HLA-DRB5: variants seen among roughly 807,000 people sequenced by gnomAD.
HLA-DRB5 encodes major histocompatibility complex, class II, DR beta 5.
In HLA-DRB5, 11 loss-of-function variants were observed where a neutral mutation model predicts 22.4. That is an observed-to-expected ratio of 0.49 (90% CI 0.31 to 0.81). The LOEUF is 0.81. Ranked by LOEUF, HLA-DRB5 falls within the 40% of genes least tolerant of loss-of-function variation. The pLI, the probability that HLA-DRB5 is intolerant of heterozygous loss-of-function variation, is 0.05. For missense variants in HLA-DRB5, 106 were observed against 274.4 expected (o/e 0.39, Z 4.34); for synonymous variants, 57 against 106.0 (o/e 0.54, Z 2.84).
chr6:32,520,674 A>G (rs116285597), intron 2 of HLA-DRB5, among the ~76,000 whole-genome samples: 5,423 of 47,078 alleles, frequency 0.12, 492 homozygotes, highest in East Asian at 0.14. Flanking sequence ...CTCAATAAAT[A>G]CATTTTTTTT....
At position 32,519,448 on chromosome 6, in the gene HLA-DRB5, T is replaced by G; in HGVS notation, c.574A>C (p.Thr192Pro). Reference protein sequence around the residue: ...WTFQTLVMLETVPRSGEVYTC... With the variant: ...WTFQTLVMLEPVPRSGEVYTC... ...TAAACCTCTCCACTTCGAGGAACTG[T>G]TTCCAGCATCACCAGGGTCTGGAAG... The change falls in exon 3 of 6, where the codon ACA becomes CCA. Residue 192 changes from threonine (T) to proline (P), a missense_variant. Physicochemically the swap from Thr to Pro is conservative, Grantham distance 38. Transcript: ENST00000374975. 1 of 1,339,518 alleles carries G rather than the reference T, an allele frequency of 7.5e-7. No individual in the cohort carries two copies. Among genetic ancestry groups the G allele is most frequent in the East Asian group, 2.5e-5 (1 of 39,678 alleles). The allele number at this position is 1,339,518 out of a possible 1,614,324, so 83.0% of individuals were successfully genotyped here. A position where few individuals can be genotyped will look rare whatever the true frequency, so the allele number is the denominator to read the frequency against.
intron 1 of HLA-DRB5, among the ~76,000 whole-genome samples, chr6:32,526,888 C>T (rs73407285): frequency 0.18 from 7,164 of 39,196 alleles, 939 homozygotes; most frequent in Admixed American, 0.22. Flanking sequence ...TCATCTCAAA[C>T]TTAAACAAAA....
At chr6:32,519,056 G>C (rs1163931337) in intron 3 of HLA-DRB5, among the ~76,000 whole-genome samples, 1 of 131,386 alleles carries the variant, frequency 7.6e-6, no homozygotes, top group Non-Finnish European at 1.7e-5. Context: ...CAGATCAACA[G>C]CACCAGAAAC....
chr6:32,524,160 TC>T (rs202237210), intron 1 of HLA-DRB5, among the ~76,000 whole-genome samples: 7 of 22,708 alleles, frequency 3.1e-4, no homozygotes, highest in East Asian at 1.1e-3. Flanking sequence ...TTGAAAAATA[TC>T]TGTGAATATC....
At chr6:32,527,541 T>G (rs112215558) in intron 1 of HLA-DRB5, among the ~76,000 whole-genome samples, 1 of 26,054 alleles carries the variant, frequency 3.8e-5, no homozygotes, top group Admixed American at 5.5e-4. Context: ...GAATATAAAT[T>G]GACTTTCCTT....
At chr6:32,530,089 C>CT in intron 1 of HLA-DRB5, 36 bp downstream of exon 1, 1 of 1,321,982 alleles carries the variant, frequency 7.6e-7, no homozygotes, top group African/African-American at 1.6e-5. Context: ...ATTTTCCCCA[C>CT]CCCATAGTAG....
chr6:32,526,396 CTTT>C lies in HLA-DRB5; in HGVS notation c.100+3726_100+3728del, dbSNP rs796766832. 9.7e-3 allele frequency among the ~76,000 whole-genome samples: 275 copies of C among 28,302 alleles called. 133 individuals carry two copies. Among genetic ancestry groups the C allele is most frequent in the Admixed American group, 0.014 (28 of 1,940 alleles). The allele number at this position is 28,302 out of a possible 152,430, so 18.6% of individuals were successfully genotyped here. A position where few individuals can be genotyped will look rare whatever the true frequency, so the allele number is the denominator to read the frequency against. On this transcript the variant is annotated intron_variant, in intron 1 of 5. Transcript: ENST00000374975. ...TTAGTCCCCTTTGCTGGCCTGTGCC[CTTT>C]TCTTTTTTCTCCAGACAATCTCCCT...
intron 1 of HLA-DRB5, among the ~76,000 whole-genome samples, chr6:32,523,183 C>A (rs867053472): frequency 0.029 from 1,166 of 39,570 alleles, 3 homozygotes; most frequent in Middle Eastern, 0.056. Context: ...CCTTCCTTTG[C>A]ATTTCTAAAT....
intron 3 of HLA-DRB5, among the ~76,000 whole-genome samples, 166 bp from the exon 4 acceptor site, chr6:32,518,832 A>T (rs1243985864): frequency 8.0e-4 from 71 of 88,564 alleles, no homozygotes; most frequent in Middle Eastern, 5.4e-3. Flanking sequence ...CACACTGAAC[A>T]GTTACAAGTT....
intron 1 of HLA-DRB5, among the ~76,000 whole-genome samples, chr6:32,527,168 A>G (rs796247221): frequency 0.4 from 16,289 of 40,874 alleles, 3,997 homozygotes; most frequent in Admixed American, 0.44. Flanking sequence ...GTCAACCCCA[A>G]CAATCCAATC....
chr6:32,527,016 T>G (rs866553931), intron 1 of HLA-DRB5, among the ~76,000 whole-genome samples: 749 of 26,294 alleles, frequency 0.028, 28 homozygotes, highest in Admixed American at 0.035. Context: ...AAGCTTGATA[T>G]TTCTACCCCC....
Position 32,522,304 on chromosome 6 carries a change from G to A in HLA-DRB5, c.101-130C>T. 9.5e-6 allele frequency: 2 copies of A among 211,334 alleles called. 1 individual carries two copies. Among genetic ancestry groups the A allele is most frequent in the Non-Finnish European group, 1.5e-5 (2 of 129,376 alleles). The allele number at this position is 211,334 out of a possible 1,614,324, so 13.1% of individuals were successfully genotyped here. A position where few individuals can be genotyped will look rare whatever the true frequency, so the allele number is the denominator to read the frequency against. ...CTTAACTGATCCCAACCATAACCCC[G>A]ACCACGCGCAGCCCAGAGGCTCATC... On this transcript the variant is annotated intron_variant, in intron 1 of 5. Transcript: ENST00000374975.
At chr6:32,526,292 T>TG (rs201545126) in intron 1 of HLA-DRB5, among the ~76,000 whole-genome samples, 3,002 of 37,762 alleles carry the variant, frequency 0.079, 1,219 homozygotes, top group Middle Eastern at 0.27. Context: ...CCCTTCTCCT[T>TG]GAAAAAAAAA....
intron 1 of HLA-DRB5, among the ~76,000 whole-genome samples, chr6:32,522,691 A>G (rs111272191): frequency 0.41 from 14,563 of 35,200 alleles, 5,613 homozygotes; most frequent in Middle Eastern, 0.72. Flanking sequence ...AAAGAGCAGT[A>G]AAAGTGAGGC....
At chr6:32,528,007 G>C (rs189231639) in intron 1 of HLA-DRB5, among the ~76,000 whole-genome samples, 246 of 19,602 alleles carry the variant, frequency 0.013, 29 homozygotes, top group Admixed American at 0.015. Flanking sequence ...TTCTGCCACT[G>C]CATTTCCTTG....
Position 32,522,016 on chromosome 6 carries a change from C to T in HLA-DRB5, c.259G>A (p.Ala87Thr), listed in dbSNP as rs1554266045. 3.9e-6 allele frequency: 6 copies of T among 1,532,450 alleles called. No homozygotes were observed. Among genetic ancestry groups the T allele is most frequent in the Non-Finnish European group, 5.3e-6 (6 of 1,121,760 alleles). 94.9% of individuals were successfully genotyped at this position (1,532,450 alleles called of 1,614,324 possible). A position where few individuals can be genotyped will look rare whatever the true frequency, so the allele number is the denominator to read the frequency against. ...RAVTELGRPD[A>T]EYWNSQKDFL... ...TCCTTCTGGCTGTTCCAGTACTCAG[C>T]GTCAGGCCGCCCCAGCTCCGTCACC... The change falls in exon 2 of 6, where the codon GCT becomes ACT. Residue 87 changes from alanine to threonine, a missense_variant. Transcript: ENST00000374975.
In HLA-DRB5 at chr6:32,518,338, A is replaced by T. The variant is rs138467328; in HGVS notation, c.763+218T>A. 2.0e-3 allele frequency among the ~76,000 whole-genome samples: 62 copies of T among 30,680 alleles called. 7 individuals carry two copies. Among genetic ancestry groups the T allele is most frequent in the Middle Eastern group, 0.025 (1 of 40 alleles). The allele number at this position is 30,680 out of a possible 152,430, so 20.1% of individuals were successfully genotyped here. ...ATTTCAAACCAAAGGACCCTTAACTAGTTAACCTTTCTCTTATCTCTGCAG... is the reference window on the plus strand; with the variant it reads ...ATTTCAAACCAAAGGACCCTTAACTTGTTAACCTTTCTCTTATCTCTGCAG... On this transcript the variant is annotated intron_variant, in intron 4 of 5. Coordinates refer to ENST00000374975, the MANE Select transcript of HLA-DRB5 (RefSeq NM_002125.4).
At chr6:32,519,758 G>C in intron 2 of HLA-DRB5, 107 bp from the exon 3 acceptor site, 2 of 471,028 alleles carry the variant, frequency 4.2e-6, no homozygotes, top group Non-Finnish European at 6.7e-6. Flanking sequence ...CCTTGACCAG[G>C]CCTCCAGCAC....
intron 1 of HLA-DRB5, among the ~76,000 whole-genome samples, chr6:32,527,152 C>T (rs951248801): frequency 0.014 from 743 of 54,712 alleles, 19 homozygotes; most frequent in Middle Eastern, 0.043. Context: ...GTCTTCCTAA[C>T]CACTTGTCAA....
Sources: gnomAD v4.1 joint callset for allele counts (sites outside exome capture counted in the v4.1 genomes callset) on GRCh38, gnomAD v4.1.1 for gene constraint, MANE v1.5 for transcripts, NCBI Gene and HGNC (gene_info 2026-07-23, HGNC 2026-07-21) for gene names.